Variants in ABCC12 observed in about 807,000 individuals in gnomAD.
ABCC12 encodes ATP-binding cassette sub-family C member 12.
A neutral mutation model predicts 151.1 loss-of-function variants in ABCC12; 142 were observed. The ratio of observed to expected loss-of-function variants is 0.94; its 90% CI spans 0.82 to 1.08. ABCC12 has a LOEUF of 1.08. ABCC12 is among the 50% of genes least tolerant of loss of function. The pLI is 0.00. For missense variants in ABCC12, 1,638 were observed against 1,691.1 expected (o/e 0.97, Z 0.55); for synonymous variants, 645 against 646.4 (o/e 1.00, Z 0.03).
At chr16:48,132,049 A>G (rs2150657763) in intron 9 of ABCC12, among the ~76,000 whole-genome samples, 1 of 152,324 alleles carries the variant, frequency 6.6e-6, no homozygotes, top group East Asian at 1.9e-4. Flanking sequence ...GAGCTTTGCA[A>G]ATTTGGTTTT....
chr16:48,101,537 G>A (rs915535453), intron 22 of ABCC12, among the ~76,000 whole-genome samples: 2 of 152,012 alleles, frequency 1.3e-5, no homozygotes, highest in Non-Finnish European at 2.9e-5. Context: ...AGGAGCCCTG[G>A]TGAGCAGGAG....
In ABCC12 at chr16:48,081,551, G is replaced by C. The variant is rs1360786062; in HGVS notation, c.*2164C>G. ...CCTATCTCTGTCCCTTCCTTCCTGG[G>C]CATCTGTAGATAAGTTACTAACCTC... On this transcript the variant is annotated 3_prime_UTR_variant, in exon 31 of 31. Coordinates refer to ENST00000311303, the MANE Select transcript of ABCC12 (RefSeq NM_001393797.1). Among the ~76,000 whole-genome samples the C allele has an allele frequency of 2.0e-5, 3 of 152,164 alleles. No homozygotes were observed. Among genetic ancestry groups the C allele is most frequent in the Admixed American group, 1.3e-4 (2 of 15,272 alleles).
At chr16:48,117,428 C>T in intron 13 of ABCC12, 95 bp from the exon 14 acceptor site, 1 of 1,388,356 alleles carries the variant, frequency 7.2e-7, no homozygotes, top group South Asian at 1.2e-5. Flanking sequence ...GTTGCTGGGG[C>T]AAGGCCAGGG....
intron 23 of ABCC12, among the ~76,000 whole-genome samples, chr16:48,099,382 G>A (rs1226175421): frequency 6.6e-6 from 1 of 152,116 alleles, no homozygotes; most frequent in Non-Finnish European, 1.5e-5. Context: ...GGGTGACAGA[G>A]CAAGACTCTG....
At chr16:48,137,842 G>A (rs1296436448) in intron 8 of ABCC12, among the ~76,000 whole-genome samples, 1 of 152,240 alleles carries the variant, frequency 6.6e-6, no homozygotes, top group Non-Finnish European at 1.5e-5. Flanking sequence ...GCTGCTGCAG[G>A]CAAAGAGGTC....
chr16:48,105,406 G>A, intron 20 of ABCC12, 70 bp from the exon 21 acceptor site: 1 of 1,453,660 alleles, frequency 6.9e-7, no homozygotes, highest in South Asian at 1.2e-5. Flanking sequence ...ATTTTCCGGA[G>A]AATCTTTCCA....
chr16:48,130,834 G>A lies in ABCC12; in HGVS notation c.1190C>T (p.Ser397Phe). 1.2e-6 allele frequency: 2 copies of A among 1,613,864 alleles called. No individual in the cohort carries two copies. Among genetic ancestry groups the A allele is most frequent in the Non-Finnish European group, 1.7e-6 (2 of 1,179,816 alleles). ...MKFSIAILPF[S>F]IKAMAEANVS... ...ATTCGCTTCAGCCATTGCTTTGATG[G>A]AGAAGGGCAAGATTGCAATGGAAAA... The change falls in exon 10 of 31, where the codon TCC becomes TTC. Residue 397 changes from serine (S) to phenylalanine (F), a missense_variant. Ser to Phe is a radical substitution (Grantham distance 155, BLOSUM62 -2). Transcript: ENST00000311303.
chr16:48,083,771 C>T lies in ABCC12; in HGVS notation c.4024G>A (p.Ala1342Thr). The change falls in exon 31 of 31, where the codon GCA (alanine) becomes ACA (threonine). Residue 1342 changes from alanine to threonine, a missense_variant. Coordinates refer to ENST00000311303, the MANE Select transcript of ABCC12 (RefSeq NM_001393797.1). ...GCAAATGCAGAATCTGGCTTCTCTG[C>T]AAGGACTTCAGGCTTGTCAAACTCA... Reference protein sequence around the residue: ...VIEFDKPEVLAEKPDSAFAML... With the variant: ...VIEFDKPEVLTEKPDSAFAML... The T allele has an allele frequency of 1.9e-6, 3 of 1,614,230 alleles. No individual in the cohort carries two copies. The highest frequency in any genetic ancestry group is 4.5e-5 in the East Asian group (2 of 44,890).
intron 25 of ABCC12, among the ~76,000 whole-genome samples, chr16:48,089,817 C>T (rs946241485): frequency 6.6e-5 from 10 of 152,138 alleles, no homozygotes; most frequent in Non-Finnish European, 1.2e-4. Context: ...GCTTGTGACT[C>T]TAATTTAAAA....
At chr16:48,125,096 A>C (rs990759858) in intron 11 of ABCC12, among the ~76,000 whole-genome samples, 2 of 152,240 alleles carry the variant, frequency 1.3e-5, no homozygotes, top group African/African-American at 4.8e-5. Flanking sequence ...CAGACCTTGA[A>C]TCAAGGATTT....
At chr16:48,100,760 C>G (rs1003266002) in intron 23 of ABCC12, 112 bp downstream of exon 23, 4 of 1,314,068 alleles carry the variant, frequency 3.0e-6, no homozygotes, top group Admixed American at 2.7e-5. Context: ...TCTTCCAGCT[C>G]TTTGTCTGTG....
intron 29 of ABCC12, 49 bp from the exon 30 acceptor site, chr16:48,084,122 T>G (rs1962479518): frequency 2.6e-6 from 4 of 1,541,796 alleles, no homozygotes; most frequent in Middle Eastern, 2.2e-4. Flanking sequence ...AGAGGGGAAT[T>G]TACAGCCTCG....
At chr16:48,142,433 T>C (rs1296442159) in intron 4 of ABCC12, among the ~76,000 whole-genome samples, 2 of 152,102 alleles carry the variant, frequency 1.3e-5, no homozygotes, top group African/African-American at 4.8e-5. Flanking sequence ...TAAGTGGACA[T>C]TGGGTAGATG....
At chr16:48,114,245 G>A (rs1040046965) in intron 15 of ABCC12, among the ~76,000 whole-genome samples, 5 of 152,182 alleles carry the variant, frequency 3.3e-5, no homozygotes, top group Non-Finnish European at 5.9e-5. Flanking sequence ...CCTGGGCAAA[G>A]GTGAGCTCAG....
In ABCC12 at chr16:48,141,081, G is replaced by T. The variant is rs868105930; in HGVS notation, c.423+125C>A. On this transcript the variant is annotated intron_variant, in intron 5 of 30. Coordinates refer to ENST00000311303, the MANE Select transcript of ABCC12 (RefSeq NM_001393797.1). ...ACAAGGATTCACTTTATGAAAATTC[G>T]CCCCCAAGGAGCGCAAAGATAATGA... 6 of 1,427,968 alleles carry T rather than the reference G, an allele frequency of 4.2e-6. No homozygotes were observed. The East Asian group carries it at 7.3e-5, about 17-fold the overall frequency. 88.5% of individuals were successfully genotyped at this position (1,427,968 alleles called of 1,614,324 possible).
chr16:48,121,682 C>T (rs1477535954), intron 13 of ABCC12, 34 bp downstream of exon 13: 2 of 1,613,148 alleles, frequency 1.2e-6, no homozygotes, highest in Admixed American at 1.7e-5. Context: ...GTACCAAACA[C>T]AAATGTGCCT....
Position 48,085,625 on chromosome 16 carries a change from A to G in ABCC12, c.3796T>C (p.Cys1266Arg). ...TTACGGAGAAGAGCTCGGGCCACAC[A>G]AAGCAGCTGACGTTCCCCTACTGAG... The part of the protein sequence containing the change: ...NFSVGERQLL[C>R]VARALLRNSK... Residue 1266 changes from cysteine (C) to arginine (R), a missense_variant, in exon 29 of 31, where the codon TGT becomes CGT. Coordinates refer to ENST00000311303, the MANE Select transcript of ABCC12 (RefSeq NM_001393797.1). 1.9e-6 allele frequency: 3 copies of G among 1,614,128 alleles called. No homozygotes were observed. The highest frequency in any genetic ancestry group is 2.5e-6 in the Non-Finnish European group (3 of 1,180,018).
intron 24 of ABCC12, among the ~76,000 whole-genome samples, chr16:48,095,843 C>T (rs988652233): frequency 6.6e-6 from 1 of 152,202 alleles, no homozygotes; most frequent in African/African-American, 2.4e-5. Flanking sequence ...TAAAGACCCA[C>T]ATTCAGATAC....
At chr16:48,132,066 G>A (rs962336901) in intron 9 of ABCC12, among the ~76,000 whole-genome samples, 2 of 152,232 alleles carry the variant, frequency 1.3e-5, no homozygotes, top group Non-Finnish European at 2.9e-5. Flanking sequence ...TTTTGGTCTA[G>A]ATTCCCTCTA....
Sources: allele counts gnomAD v4.1 joint callset (sites outside exome capture counted in the v4.1 genomes callset), GRCh38; gene constraint gnomAD v4.1.1; transcripts MANE v1.5; gene names NCBI Gene and HGNC (gene_info 2026-07-23, HGNC 2026-07-21).